Variants in KIAA1549L observed in about 807,000 individuals in gnomAD.
KIAA1549L encodes the protein UPF0606 protein KIAA1549L.
In KIAA1549L, 88 loss-of-function variants were observed where a neutral mutation model predicts 160.7. The ratio of observed to expected loss-of-function variants is 0.55; its 90% CI spans 0.46 to 0.65. The LOEUF (loss-of-function observed/expected upper bound fraction) is 0.65, where lower values mean the gene tolerates loss of function less well. Among genes scored for constraint, KIAA1549L ranks in the 30% least tolerant of loss-of-function variants. KIAA1549L has a pLI of 0.00. For synonymous variants in KIAA1549L, 950 were observed against 976.7 expected (o/e 0.97, Z 0.51); for missense variants, 2,258 against 2,437.5 (o/e 0.93, Z 1.55).
chr11:33,566,760 A>G (rs1364231694), intron 8 of KIAA1549L, among the ~76,000 whole-genome samples: 1 of 152,216 alleles, frequency 6.6e-6, no homozygotes, highest in Non-Finnish European at 1.5e-5. Context: ...ACTGGATGCC[A>G]TAACTGCAAT....
intron 15 of KIAA1549L, among the ~76,000 whole-genome samples, chr11:33,611,920 TAG>T (rs1173707861): frequency 6.6e-6 from 1 of 152,234 alleles, no homozygotes; most frequent in African/African-American, 2.4e-5. Flanking sequence ...CTTGTTTCTG[TAG>T]AGAGGCATCA....
Position 33,565,901 on chromosome 11 carries a change from C to G in KIAA1549L, c.4079-2175C>G, listed in dbSNP as rs114771418. ...TGGTGGCTCATGCCTGTAGCCCAGG[C>G]TACTTGGAGGCAGAGGCTGGAAGAT... On this transcript the variant is annotated intron_variant, in intron 8 of 20. Coordinates refer to ENST00000658780, the MANE Select transcript of KIAA1549L (RefSeq NM_012194.3). Among the ~76,000 whole-genome samples, 424 of 152,114 alleles carry G rather than the reference C, an allele frequency of 2.8e-3. 1 individual carries two copies. The highest frequency in any genetic ancestry group is 9.7e-3 in the African/African-American group (403 of 41,468).
At chr11:33,431,928 G>T (rs57941660) in intron 1 of KIAA1549L, among the ~76,000 whole-genome samples, 2,716 of 152,352 alleles carry the variant, frequency 0.018, 71 homozygotes, top group African/African-American at 0.061. Context: ...ATCGAGCTCA[G>T]CGCTGGTGGG....
At chr11:33,551,474 G>A (rs778167787) in intron 5 of KIAA1549L, among the ~76,000 whole-genome samples, 2 of 152,104 alleles carry the variant, frequency 1.3e-5, no homozygotes, top group Non-Finnish European at 2.9e-5. Flanking sequence ...TTCTATCATA[G>A]GAGCCTTCCT....
Position 33,628,479 on chromosome 11 carries a change from C to T in KIAA1549L, c.5409+9817C>T, listed in dbSNP as rs1451694882. On this transcript the variant is annotated intron_variant, in intron 16 of 20. Coordinates refer to ENST00000658780, the MANE Select transcript of KIAA1549L (RefSeq NM_012194.3). The stretch of plus-strand genomic sequence containing the variant: ...TGAATCTGGGTGCTCCTGTATTGGG[C>T]GCATATATATTTAGGATAGTTAGCT... Among the ~76,000 whole-genome samples the T allele has an allele frequency of 9.5e-3, 1,403 of 147,672 alleles. 18 individuals carry two copies. Among genetic ancestry groups the T allele is most frequent in the African/African-American group, 0.032 (1,206 of 37,968 alleles).
intron 16 of KIAA1549L, among the ~76,000 whole-genome samples, chr11:33,632,622 A>T (rs547621305): frequency 2.8e-4 from 43 of 152,300 alleles, no homozygotes; most frequent in African/African-American, 1.0e-3. Context: ...TCTGTTGCCC[A>T]GGCTGGAGTA....
chr11:33,437,170 C>T (rs1030449712), intron 1 of KIAA1549L, among the ~76,000 whole-genome samples: 4 of 152,252 alleles, frequency 2.6e-5, no homozygotes, highest in Non-Finnish European at 5.9e-5. Flanking sequence ...ATAATGCTAC[C>T]TTCCATTTCT....
At chr11:33,565,960 G>T (rs536866917) in intron 8 of KIAA1549L, among the ~76,000 whole-genome samples, 1 of 152,244 alleles carries the variant, frequency 6.6e-6, no homozygotes, top group African/African-American at 2.4e-5. Context: ...CTGCAGAGTC[G>T]TGATCCTGCC....
At chr11:33,510,708 A>C (rs1035256811) in intron 1 of KIAA1549L, among the ~76,000 whole-genome samples, 1 of 152,172 alleles carries the variant, frequency 6.6e-6, no homozygotes, top group African/African-American at 2.4e-5. Context: ...ATCACCTAAC[A>C]TGTGAGGGTG....
intron 12 of KIAA1549L, among the ~76,000 whole-genome samples, chr11:33,595,986 G>T (rs1166243453): frequency 6.6e-6 from 1 of 152,094 alleles, no homozygotes; most frequent in African/African-American, 2.4e-5. Context: ...GACTGAGATT[G>T]TTGGGCCAGG....
chr11:33,423,129 TAAA>T lies in KIAA1549L; in HGVS notation c.238+46244_238+46246del, dbSNP rs1376674040. 2.0e-5 allele frequency among the ~76,000 whole-genome samples: 3 copies of T among 152,326 alleles called. No individual in the cohort carries two copies. In the South Asian group the frequency reaches 6.2e-4, roughly 32 times the overall value. On this transcript the variant is annotated intron_variant, in intron 1 of 20. Transcript: ENST00000658780. ...AGAAATTTCATGGGAAATGTGTATA[TAAA>T]AAACTATGCATACATTTCAACTTTT...
intron 1 of KIAA1549L, among the ~76,000 whole-genome samples, chr11:33,484,753 G>C (rs1462601492): frequency 6.6e-6 from 1 of 152,282 alleles, no homozygotes; most frequent in East Asian, 1.9e-4. Flanking sequence ...CATCAGTGTT[G>C]TGTCTTCTCC....
intron 17 of KIAA1549L, among the ~76,000 whole-genome samples, chr11:33,655,339 A>G (rs573538109): frequency 6.6e-6 from 1 of 152,226 alleles, no homozygotes; most frequent in Non-Finnish European, 1.5e-5. Context: ...GAAGAGGTCC[A>G]GAAAGGTCAC....
chr11:33,627,071 A>G (rs11032321), intron 16 of KIAA1549L, among the ~76,000 whole-genome samples: 14,852 of 42,814 alleles, frequency 0.35, 1,923 homozygotes, highest in African/African-American at 0.6. Context: ...ATTGATTTGC[A>G]TATATTGAAC....
intron 15 of KIAA1549L, among the ~76,000 whole-genome samples, chr11:33,614,564 ATATATATATATATATATATATTT>A (rs1850747207): frequency 1.5e-4 from 2 of 13,472 alleles, no homozygotes; most frequent in African/African-American, 1.3e-3. Flanking sequence ...ATATATATAT[ATATATATATATATATATATATTT>A]TTTTTTTTTT....
chr11:33,470,700 G>A lies in KIAA1549L; in HGVS notation c.239-71102G>A, dbSNP rs544401031. On this transcript the variant is annotated intron_variant, in intron 1 of 20. Coordinates refer to ENST00000658780, the MANE Select transcript of KIAA1549L (RefSeq NM_012194.3). Reference sequence around the variant, plus strand: ...AAGCAATCCACCTGCCAATCCACCCGCCTTGGCCTCCGAAAATACTGGGAT... The same window carrying A: ...AAGCAATCCACCTGCCAATCCACCCACCTTGGCCTCCGAAAATACTGGGAT... Among the ~76,000 whole-genome samples the A allele has an allele frequency of 1.1e-4, 16 of 152,174 alleles. No individual in the cohort carries two copies. In the East Asian group the frequency reaches 2.9e-3, roughly 28 times the overall value.
intron 1 of KIAA1549L, among the ~76,000 whole-genome samples, chr11:33,423,764 A>G (rs73491200): frequency 0.1 from 15,539 of 152,262 alleles, 1,818 homozygotes; most frequent in African/African-American, 0.29. Context: ...GCGGTGGCTC[A>G]TGCCTGTAAT....
At chr11:33,412,319 TTA>T (rs1850800543) in intron 1 of KIAA1549L, among the ~76,000 whole-genome samples, 2 of 152,248 alleles carry the variant, frequency 1.3e-5, no homozygotes, top group Non-Finnish European at 2.9e-5. Flanking sequence ...TTCTTGGGTA[TTA>T]TATGAATGAC....
At chr11:33,436,255 C>T (rs1427507605) in intron 1 of KIAA1549L, among the ~76,000 whole-genome samples, 1 of 152,024 alleles carries the variant, frequency 6.6e-6, no homozygotes, top group Non-Finnish European at 1.5e-5. Flanking sequence ...ATATACATAG[C>T]ATATAATAAG....
Sources: allele counts gnomAD v4.1 joint callset (sites outside exome capture counted in the v4.1 genomes callset), GRCh38; gene constraint gnomAD v4.1.1; transcripts MANE v1.5; gene names NCBI Gene and HGNC (gene_info 2026-07-23, HGNC 2026-07-21).